The following PLEKHA6 variants were observed in gnomAD, a reference collection of about 807,000 sequenced individuals.
The protein encoded by PLEKHA6 is pleckstrin homology domain containing A6.
In PLEKHA6, 60 loss-of-function variants were observed where a neutral mutation model predicts 116.7. That is an observed-to-expected ratio of 0.51 (90% CI 0.42 to 0.64). PLEKHA6 has a LOEUF of 0.64. Ranked by LOEUF, PLEKHA6 falls within the 30% of genes least tolerant of loss-of-function variation. The pLI, the probability that PLEKHA6 is intolerant of heterozygous loss-of-function variation, is 0.00. For missense variants in PLEKHA6, 1,338 were observed against 1,422.7 expected, an observed-to-expected ratio of 0.94 and a Z score of 0.96; for synonymous variants, 489 against 556.1, an observed-to-expected ratio of 0.88 and a Z score of 1.70.
At chr1:204,245,807 C>T (rs1663576652) in intron 13 of PLEKHA6, 81 bp from the exon 14 acceptor site, 2 of 958,966 alleles carry the variant, frequency 2.1e-6, no homozygotes, top group African/African-American at 1.6e-5. Flanking sequence ...CCCCTTGGAA[C>T]CCACATCCCT....
intron 1 of PLEKHA6, among the ~76,000 whole-genome samples, chr1:204,284,844 C>T (rs758256289): frequency 7.2e-5 from 11 of 152,104 alleles, no homozygotes; most frequent in Non-Finnish European, 1.5e-4. Flanking sequence ...CAACATGTAA[C>T]GATACTGGAG....
chr1:204,278,953 T>G (rs1373347576), intron 1 of PLEKHA6, among the ~76,000 whole-genome samples: 5 of 152,172 alleles, frequency 3.3e-5, no homozygotes, highest in Non-Finnish European at 7.4e-5. Context: ...CTATCTTAGC[T>G]CTCTCTTAAA....
At chr1:204,266,444 C>T (rs1666831011) in intron 5 of PLEKHA6, among the ~76,000 whole-genome samples, 1 of 152,214 alleles carries the variant, frequency 6.6e-6, no homozygotes, top group South Asian at 2.1e-4. Context: ...CCCCAATTTT[C>T]CTCCAGTTTC....
Position 204,259,699 on chromosome 1 carries a change from T to G in PLEKHA6, c.566A>C (p.His189Pro), listed in dbSNP as rs765784505. 3.1e-6 allele frequency: 5 copies of G among 1,613,650 alleles called. No individual in the cohort carries two copies. The highest frequency in any genetic ancestry group is 1.7e-4 in the Middle Eastern group (1 of 6,056). ...PDSENVPPSKHHQQPPHNSLP... is the reference protein window; with the variant it reads ...PDSENVPPSKPHQQPPHNSLP... ...GCTGTTGTGGGGTGGCTGCTGGTGGTGCTTGCTGGGTGGGACGTTCTCCGA... is the reference window on the plus strand; with the variant it reads ...GCTGTTGTGGGGTGGCTGCTGGTGGGGCTTGCTGGGTGGGACGTTCTCCGA... Residue 189 changes from histidine to proline, a missense_variant, in exon 8 of 23, where the codon CAC becomes CCC. By Grantham distance (77) the His-to-Pro change is moderately conservative. Coordinates refer to ENST00000272203, the MANE Select transcript of PLEKHA6 (RefSeq NM_014935.5). The surrounding 1 kb of genome is among the most constrained non-coding windows in gnomAD (Gnocchi z 4.6).
At chr1:204,254,085 C>T (rs1454606874) in intron 9 of PLEKHA6, among the ~76,000 whole-genome samples, 5 of 152,190 alleles carry the variant, frequency 3.3e-5, no homozygotes, top group Admixed American at 1.3e-4. Flanking sequence ...CTCAGGAATC[C>T]GGAGGTGGGT....
At chr1:204,262,535 C>T (rs932021944) in intron 6 of PLEKHA6, among the ~76,000 whole-genome samples, 1 of 152,118 alleles carries the variant, frequency 6.6e-6, no homozygotes, top group Non-Finnish European at 1.5e-5. Flanking sequence ...TTCAGAGTCT[C>T]GGATGTGAGC....
At chr1:204,331,430 A>T (rs1672445992) in intron 1 of PLEKHA6, among the ~76,000 whole-genome samples, 1 of 151,874 alleles carries the variant, frequency 6.6e-6, no homozygotes, top group South Asian at 2.1e-4. Context: ...AGCCAACCCC[A>T]CCTTGGGCAA....
At chr1:204,256,437 C>T (rs188300313) in intron 9 of PLEKHA6, among the ~76,000 whole-genome samples, 5 of 152,278 alleles carry the variant, frequency 3.3e-5, no homozygotes, top group African/African-American at 1.2e-4. Flanking sequence ...CATGAAATAA[C>T]TATGCTTCAG....
intron 1 of PLEKHA6, among the ~76,000 whole-genome samples, chr1:204,371,904 CTA>C (rs945803362): frequency 1.1e-4 from 16 of 152,146 alleles, no homozygotes; most frequent in African/African-American, 3.6e-4. Flanking sequence ...CCTATTGTAA[CTA>C]TGTGTAGAAA....
Position 204,219,389 on chromosome 1 carries a change from C to G in PLEKHA6, c.*3399G>C, listed in dbSNP as rs16853105. Reference sequence around the variant, plus strand: ...CCAAGAACATGCCTCTCCCAAAGGCCGGAGAGCAAGTGTGCCACTTGTGCC... The same window carrying G: ...CCAAGAACATGCCTCTCCCAAAGGCGGGAGAGCAAGTGTGCCACTTGTGCC... On this transcript the variant is annotated 3_prime_UTR_variant, in exon 23 of 23. Transcript: ENST00000272203. The G allele has an allele frequency of 2.0e-5, 3 of 152,396 alleles. No individual in the cohort carries two copies. The highest frequency in any genetic ancestry group is 7.3e-5 in the African/African-American group (3 of 41,340). The allele number at this position is 152,396 out of a possible 1,614,324, so 9.4% of individuals were successfully genotyped here.
chr1:204,232,828 A>G (rs1339311877), intron 17 of PLEKHA6, among the ~76,000 whole-genome samples: 6 of 152,216 alleles, frequency 3.9e-5, no homozygotes, highest in Non-Finnish European at 8.8e-5. Flanking sequence ...TGAGCCACAG[A>G]GGATTATTCT....
At chr1:204,253,324 TA>T (rs568121850) in intron 9 of PLEKHA6, among the ~76,000 whole-genome samples, 4 of 147,676 alleles carry the variant, frequency 2.7e-5, no homozygotes, top group East Asian at 2.0e-4. Context: ...TTTCCAAGAT[TA>T]AAAAAAAAAC....
intron 1 of PLEKHA6, among the ~76,000 whole-genome samples, chr1:204,323,086 G>T (rs1054294476): frequency 1.3e-5 from 2 of 152,228 alleles, no homozygotes; most frequent in Non-Finnish European, 2.9e-5. Context: ...TTTGCTAAGG[G>T]TCTACAGCTA....
rs762932253 is a variant in PLEKHA6, at chr1:204,355,973, GCACA to G, written c.-95+3717_-95+3720del. On this transcript the variant is annotated intron_variant, in intron 1 of 22. Transcript: ENST00000272203. ...GTAATACTCAATGTTGATGCTCATG[GCACA>G]CACACACACACACACACACACACAA... 5.6e-3 allele frequency among the ~76,000 whole-genome samples: 398 copies of G among 71,608 alleles called. 7 individuals are homozygous for G. The highest frequency in any genetic ancestry group is 0.02 in the South Asian group (44 of 2,240). The allele number at this position is 71,608 out of a possible 152,430, so 47.0% of individuals were successfully genotyped here.
At chr1:204,299,044 C>T (rs1367522448) in intron 1 of PLEKHA6, among the ~76,000 whole-genome samples, 1 of 152,194 alleles carries the variant, frequency 6.6e-6, no homozygotes, top group African/African-American at 2.4e-5. Context: ...TGTGATCCAG[C>T]CATTTCTTTG....
At chr1:204,258,201 A>T (rs889384702) in intron 8 of PLEKHA6, among the ~76,000 whole-genome samples, 1 of 152,202 alleles carries the variant, frequency 6.6e-6, no homozygotes, top group African/African-American at 2.4e-5. Flanking sequence ...CAAATAGAAG[A>T]AAGTCTACCA....
intron 7 of PLEKHA6, among the ~76,000 whole-genome samples, chr1:204,260,330 C>T (rs1325877781): frequency 6.6e-6 from 1 of 152,188 alleles, no homozygotes; most frequent in African/African-American, 2.4e-5. Flanking sequence ...TGCTTTCAAA[C>T]TCACAAGCAC....
chr1:204,227,857 A>G (rs981386837), intron 21 of PLEKHA6, among the ~76,000 whole-genome samples: 12 of 152,202 alleles, frequency 7.9e-5, no homozygotes, highest in African/African-American at 2.9e-4. Context: ...TGTAAGGATC[A>G]TCCCGGCTCT....
At chr1:204,358,785 T>C (rs1322126809) in intron 1 of PLEKHA6, among the ~76,000 whole-genome samples, 1 of 151,880 alleles carries the variant, frequency 6.6e-6, no homozygotes, top group Non-Finnish European at 1.5e-5. Context: ...TCTCCCTCTA[T>C]CCCGGTTCTC....
Sources: gnomAD v4.1 joint callset for allele counts (sites outside exome capture counted in the v4.1 genomes callset) on GRCh38, gnomAD v4.1.1 for gene constraint, Gnocchi (gnomAD v3.1) non-coding constraint, MANE v1.5 for transcripts, NCBI Gene and HGNC (gene_info 2026-07-23, HGNC 2026-07-21) for gene names.